Variants in NDUFB9 observed in about 807,000 individuals in gnomAD.
NDUFB9 encodes the protein NADH dehydrogenase [ubiquinone] 1 beta subcomplex subunit 9.
In NDUFB9, 24 loss-of-function variants were observed where a neutral mutation model predicts 30.2. The observed-to-expected ratio is 0.80, with a 90% CI of 0.58 to 1.12. NDUFB9 has a LOEUF of 1.12. Among genes scored for constraint, NDUFB9 ranks in the 50% most tolerant of loss-of-function variants. The pLI, the probability that NDUFB9 is intolerant of heterozygous loss-of-function variation, is 0.00. For synonymous variants in NDUFB9, 80 were observed against 84.0 expected (o/e 0.95, Z 0.26); for missense variants, 204 against 226.0 (o/e 0.90, Z 0.62).
chr8:124,543,365 T>G, intron 2 of NDUFB9, 86 bp downstream of exon 2: 1 of 1,386,496 alleles, frequency 7.2e-7, no homozygotes, highest in Non-Finnish European at 1.0e-6. Context: ...TCACTTGCCC[T>G]TCAAGGGGTA....
At chr8:124,539,631 G>C (rs1254195894) in intron 1 of NDUFB9, among the ~76,000 whole-genome samples, 1 of 152,164 alleles carries the variant, frequency 6.6e-6, no homozygotes, top group Non-Finnish European at 1.5e-5. Context: ...TTTTCTTCAC[G>C]ATCTTCTCCT....
chr8:124,546,833 T>C (rs1312788808), intron 2 of NDUFB9, 167 bp from the exon 3 acceptor site: 6 of 677,866 alleles, frequency 8.9e-6, no homozygotes, highest in South Asian at 1.6e-5. Context: ...TTATCTTTGC[T>C]TCCTACTTAT....
intron 2 of NDUFB9, among the ~76,000 whole-genome samples, chr8:124,544,206 A>G (rs993017176): frequency 6.6e-6 from 1 of 152,228 alleles, no homozygotes; most frequent in Non-Finnish European, 1.5e-5. Context: ...CTTCATTTCT[A>G]TGAAGGCTGA....
At chr8:124,543,995 G>A (rs775324686) in intron 2 of NDUFB9, among the ~76,000 whole-genome samples, 2 of 152,172 alleles carry the variant, frequency 1.3e-5, no homozygotes, top group Non-Finnish European at 2.9e-5. Flanking sequence ...GGCCTTTTCC[G>A]CTGGTTAGCC....
intron 1 of NDUFB9, among the ~76,000 whole-genome samples, chr8:124,539,995 C>A (rs559084178): frequency 6.6e-6 from 1 of 151,796 alleles, no homozygotes; most frequent in African/African-American, 2.4e-5. Flanking sequence ...CACCTAAATT[C>A]ATTGCAGGGT....
At chr8:124,545,967 C>G (rs575309003) in intron 2 of NDUFB9, among the ~76,000 whole-genome samples, 30 of 152,308 alleles carry the variant, frequency 2.0e-4, no homozygotes, top group African/African-American at 6.7e-4. Context: ...CTCAGTCTCC[C>G]AAGTAGCTGG....
rs148402231 is a variant in NDUFB9 at position 124,549,824 on chromosome 8, C to G, written c.472C>G (p.Arg158Gly). ...GPLTEALPPA[R>G]KEGDLPPLWW... ...TTTAACTGAAGCTTTGCCCCCTGCC[C>G]GAAAGGAAGGTGATTTGCCCCCACT... Residue 158 changes from arginine (R) to glycine (G), a missense_variant, in exon 4 of 4, where the codon CGA (arginine) becomes GGA (glycine). Transcript: ENST00000276689. The G allele has an allele frequency of 4.4e-4, 707 of 1,614,120 alleles. No individual in the cohort carries two copies. The highest frequency in any genetic ancestry group is 5.6e-4 in the Non-Finnish European group (662 of 1,180,010).
At chr8:124,544,243 A>T (rs1321342117) in intron 2 of NDUFB9, among the ~76,000 whole-genome samples, 1 of 152,222 alleles carries the variant, frequency 6.6e-6, no homozygotes, top group Non-Finnish European at 1.5e-5. Context: ...GCAGAAAAAA[A>T]GTTGGAAGCT....
intron 3 of NDUFB9, among the ~76,000 whole-genome samples, chr8:124,547,942 G>A (rs551268249): frequency 1.3e-5 from 2 of 151,998 alleles, no homozygotes; most frequent in South Asian, 2.1e-4. Context: ...CTGACATCGC[G>A]CCACTGCATT....
At chr8:124,549,522 T>C (rs56280096) in intron 3 of NDUFB9, among the ~76,000 whole-genome samples, 1 of 152,128 alleles carries the variant, frequency 6.6e-6, no homozygotes, top group Non-Finnish European at 1.5e-5. Context: ...GGGGGAAGAA[T>C]AGGAAGGGTA....
Position 124,549,949 on chromosome 8 carries a change from C to T in NDUFB9, c.*57C>T, listed in dbSNP as rs1822304659. The T allele has an allele frequency of 6.2e-7, 1 of 1,612,574 alleles. No homozygotes were observed. Among genetic ancestry groups the T allele is most frequent in the Non-Finnish European group, 8.5e-7 (1 of 1,179,302 alleles). ...AGTGAAATATGTTACAGAACATGCA[C>T]TTGCCCTAATAAAAAATCAGTGAAA... On this transcript the variant is annotated 3_prime_UTR_variant, in exon 4 of 4. Coordinates refer to ENST00000276689, the MANE Select transcript of NDUFB9 (RefSeq NM_005005.3).
intron 2 of NDUFB9, among the ~76,000 whole-genome samples, chr8:124,543,888 T>C (rs1822094343): frequency 6.6e-6 from 1 of 152,218 alleles, no homozygotes; most frequent in Non-Finnish European, 1.5e-5. Flanking sequence ...GTCTCTCACT[T>C]TAAATCCGTT....
chr8:124,543,010 G>A, intron 1 of NDUFB9, 77 bp from the exon 2 acceptor site: 1 of 1,489,286 alleles, frequency 6.7e-7, no homozygotes, highest in Non-Finnish European at 9.3e-7. Flanking sequence ...TATCAGAAGT[G>A]CAGCCTCCTG....
At chr8:124,549,733 T>C (rs958705481) in intron 3 of NDUFB9, 28 bp from the exon 4 acceptor site, 3 of 1,608,074 alleles carry the variant, frequency 1.9e-6, no homozygotes, top group Non-Finnish European at 2.6e-6. Flanking sequence ...ATTCCTTTGG[T>C]AATGATTCCT....
intron 1 of NDUFB9, among the ~76,000 whole-genome samples, chr8:124,540,516 G>A (rs1821910980): frequency 6.6e-6 from 1 of 152,054 alleles, no homozygotes; most frequent in South Asian, 2.1e-4. Flanking sequence ...TTATATGGAT[G>A]TATTAAAATA....
chr8:124,548,867 A>G (rs555853985), intron 3 of NDUFB9, among the ~76,000 whole-genome samples: 2 of 152,252 alleles, frequency 1.3e-5, no homozygotes, highest in South Asian at 4.1e-4. Flanking sequence ...GTGTGGTTGG[A>G]TAGTGGGATA....
At chr8:124,547,134 G>A (rs753026287) in intron 3 of NDUFB9, 21 bp downstream of exon 3, 61 of 1,571,774 alleles carry the variant, frequency 3.9e-5, no homozygotes, top group East Asian at 1.1e-4. Flanking sequence ...CTTGTACTTC[G>A]TTATTCCTTA....
intron 1 of NDUFB9, 54 bp downstream of exon 1, chr8:124,539,341 G>A: frequency 6.6e-7 from 1 of 1,514,744 alleles, no homozygotes; most frequent in Admixed American, 1.7e-5. Context: ...CCCCATGGAG[G>A]TGGAGAGGCC....
intron 2 of NDUFB9, among the ~76,000 whole-genome samples, chr8:124,543,808 A>G (rs1261303887): frequency 6.6e-6 from 1 of 152,194 alleles, no homozygotes; most frequent in Non-Finnish European, 1.5e-5. Context: ...AGACGCAGCA[A>G]CAGTGAAATT....
Sources: allele counts gnomAD v4.1 joint callset (sites outside exome capture counted in the v4.1 genomes callset), GRCh38; gene constraint gnomAD v4.1.1; transcripts MANE v1.5; gene names NCBI Gene and HGNC (gene_info 2026-07-23, HGNC 2026-07-21).